Variants in SYNPO2 observed in about 807,000 individuals in gnomAD.
SYNPO2 encodes synaptopodin 2.
A neutral mutation model predicts 85.0 loss-of-function variants in SYNPO2; 56 were observed. That is an observed-to-expected ratio of 0.66 (90% CI 0.53 to 0.82). The LOEUF (loss-of-function observed/expected upper bound fraction) is 0.82. Ranked by LOEUF, SYNPO2 falls within the 40% of genes least tolerant of loss-of-function variation. The pLI is 0.00. For missense variants in SYNPO2, 1,575 were observed against 1,534.2 expected, an observed-to-expected ratio of 1.03 and a Z score of -0.44; for synonymous variants, 602 against 591.1, an observed-to-expected ratio of 1.02 and a Z score of -0.27.
intron 1 of SYNPO2, among the ~76,000 whole-genome samples, chr4:118,878,489 G>A (rs1190949112): frequency 1.3e-5 from 2 of 152,136 alleles, no homozygotes; most frequent in Non-Finnish European, 2.9e-5. Flanking sequence ...TGGGCTTCTG[G>A]GTCAGATGGG....
rs749325284 is a variant in SYNPO2, at chr4:118,889,090, G to A, written c.54G>A (p.Gly18=). The A allele has an allele frequency of 1.2e-5, 19 of 1,614,078 alleles. No homozygotes were observed. The South Asian group carries it at 2.1e-4, about 18-fold the overall frequency. ...CISMTGGAPW[G]FRLQGGKEQK... ...CCATGACTGGAGGGGCGCCCTGGGG[G>A]TTCAGATTGCAAGGTGGCAAGGAGC... The change falls in exon 1 of 5, where the codon GGG becomes GGA. Residue 18 remains glycine (G), a synonymous_variant. Transcript: ENST00000307142.
intron 1 of SYNPO2, among the ~76,000 whole-genome samples, chr4:118,981,435 T>A (rs985072180): frequency 1.3e-5 from 2 of 152,180 alleles, no homozygotes; most frequent in Admixed American, 6.5e-5. Flanking sequence ...GGTAGCCACG[T>A]CAATGTCAAT....
intron 1 of SYNPO2, among the ~76,000 whole-genome samples, chr4:119,009,821 T>G (rs1737223669): frequency 6.6e-6 from 1 of 152,244 alleles, no homozygotes; most frequent in African/African-American, 2.4e-5. Context: ...GAGCTTTTAG[T>G]ACAGCCCAGT....
intron 1 of SYNPO2, among the ~76,000 whole-genome samples, chr4:118,883,173 T>C (rs948075252): frequency 2.0e-5 from 3 of 152,080 alleles, no homozygotes; most frequent in Admixed American, 2.0e-4. Context: ...TCTTTCCTGG[T>C]TTTGCCATTT....
rs376118286 is a variant in SYNPO2 at position 119,058,113 on chromosome 4, C to T, written c.*179C>T. On this transcript the variant is annotated 3_prime_UTR_variant, in exon 5 of 5. Coordinates refer to ENST00000307142, the MANE Select transcript of SYNPO2 (RefSeq NM_133477.3). ...GTGTGTGTGTATGTATGTGAATATACACACACACACACACACAGGTGAGTG... is the reference window on the plus strand; with the variant it reads ...GTGTGTGTGTATGTATGTGAATATATACACACACACACACACAGGTGAGTG... 54 of 148,108 alleles carry T rather than the reference C, an allele frequency of 3.6e-4. No homozygotes were observed. Among genetic ancestry groups the T allele is most frequent in the Non-Finnish European group, 3.9e-4 (33 of 84,134 alleles). The allele number at this position is 148,108 out of a possible 1,614,324, so 9.2% of individuals were successfully genotyped here.
At chr4:118,904,611 T>C (rs1273652196) in intron 1 of SYNPO2, among the ~76,000 whole-genome samples, 1 of 152,228 alleles carries the variant, frequency 6.6e-6, no homozygotes, top group Non-Finnish European at 1.5e-5. Flanking sequence ...CAAAGGCTAA[T>C]GAGGATTTTG....
intron 4 of SYNPO2, among the ~76,000 whole-genome samples, chr4:119,045,400 A>G (rs1395283068): frequency 1.3e-5 from 2 of 152,126 alleles, no homozygotes; most frequent in African/African-American, 2.4e-5. Flanking sequence ...GCAATGAGCT[A>G]TGATAACACC....
intron 1 of SYNPO2, among the ~76,000 whole-genome samples, chr4:118,981,430 C>A (rs1055047482): frequency 6.6e-6 from 1 of 152,170 alleles, no homozygotes; most frequent in Non-Finnish European, 1.5e-5. Context: ...CATAGGGTAG[C>A]CACGTCAATG....
At chr4:118,962,415 C>T (rs963618154) in intron 1 of SYNPO2, among the ~76,000 whole-genome samples, 2 of 152,008 alleles carry the variant, frequency 1.3e-5, no homozygotes, top group African/African-American at 2.4e-5. Context: ...ATAAACCTAG[C>T]GATAACGGGT....
chr4:118,932,701 GT>G (rs563887310), intron 1 of SYNPO2, among the ~76,000 whole-genome samples: 25 of 152,272 alleles, frequency 1.6e-4, no homozygotes, highest in African/African-American at 5.8e-4. Flanking sequence ...GTAAGAATTT[GT>G]TTTCTGTAAT....
chr4:118,999,943 G>T (rs547236374), intron 1 of SYNPO2, among the ~76,000 whole-genome samples: 2 of 152,310 alleles, frequency 1.3e-5, no homozygotes, highest in Admixed American at 1.3e-4. Flanking sequence ...CTCTGAAGAA[G>T]CTGGCAAAAG....
At chr4:118,991,235 CT>C (rs1414020861) in intron 1 of SYNPO2, among the ~76,000 whole-genome samples, 1 of 152,178 alleles carries the variant, frequency 6.6e-6, no homozygotes, top group Non-Finnish European at 1.5e-5. Context: ...GCAACCTCTG[CT>C]TCCCAGGTTC....
At chr4:119,009,239 T>C (rs752216276) in intron 1 of SYNPO2, among the ~76,000 whole-genome samples, 2 of 152,192 alleles carry the variant, frequency 1.3e-5, no homozygotes, top group Non-Finnish European at 2.9e-5. Context: ...AATTGGGCTA[T>C]AGTTTTTACA....
intron 1 of SYNPO2, among the ~76,000 whole-genome samples, chr4:118,954,967 C>T (rs1734820543): frequency 6.6e-6 from 1 of 151,462 alleles, no homozygotes. Flanking sequence ...TGACTTGCAC[C>T]AGACAGTCTG....
At chr4:118,945,068 A>G in intron 1 of SYNPO2, among the ~76,000 whole-genome samples, 1 of 152,234 alleles carries the variant, frequency 6.6e-6, no homozygotes, top group East Asian at 1.9e-4. Flanking sequence ...TGTTTATTAA[A>G]TGGTAATGAA....
rs150741126 is a variant in SYNPO2, at chr4:119,030,423, G to A, written c.1648G>A (p.Val550Met). The change falls in exon 4 of 5, where the codon GTG becomes ATG. Residue 550 changes from valine to methionine, a missense_variant. Physicochemically the swap from Val to Met is conservative, Grantham distance 21. This residue lies in a region of SYNPO2 where 1,508 missense variants were observed against 1,446.8 expected (regional missense o/e 1.04). Transcript: ENST00000307142. ...EEESVRTQSS[V>M]SKSYIEVSHG... Reference sequence around the variant, plus strand: ...AGAGTCGGTAAGAACGCAGAGCTCTGTGAGCAAAAGCTACATCGAGGTGAG... The same window carrying A: ...AGAGTCGGTAAGAACGCAGAGCTCTATGAGCAAAAGCTACATCGAGGTGAG... 54 of 1,614,084 alleles carry A rather than the reference G, an allele frequency of 3.3e-5. No individual in the cohort carries two copies. The highest frequency in any genetic ancestry group is 4.3e-5 in the Non-Finnish European group (51 of 1,180,038).
intron 1 of SYNPO2, among the ~76,000 whole-genome samples, chr4:118,993,429 T>A (rs539040229): frequency 2.0e-5 from 3 of 152,340 alleles, no homozygotes; most frequent in African/African-American, 7.2e-5. Flanking sequence ...TGATTTAGTT[T>A]GGTTTAAAAG....
chr4:119,036,378 G>C, intron 4 of SYNPO2: 1 of 985,372 alleles, frequency 1.0e-6, no homozygotes, highest in Non-Finnish European at 1.2e-6. Flanking sequence ...ACCCTCGCTG[G>C]TCTTGGGTCC....
At chr4:119,036,070 G>A in intron 4 of SYNPO2, 4 of 985,330 alleles carry the variant, frequency 4.1e-6, no homozygotes, top group Non-Finnish European at 4.8e-6. Context: ...ATTTCATCCA[G>A]TTATAAACTA....
Sources: allele counts gnomAD v4.1 joint callset (sites outside exome capture counted in the v4.1 genomes callset), GRCh38; gene constraint gnomAD v4.1.1; regional missense constraint gnomAD v4.1.1; transcripts MANE v1.5; gene names NCBI Gene and HGNC (gene_info 2026-07-23, HGNC 2026-07-21).